ANK2: variants seen among roughly 807,000 people sequenced by gnomAD.
The protein encoded by ANK2 is ankyrin 2.
A neutral mutation model predicts 360.5 loss-of-function variants in ANK2; 83 were observed. The ratio of observed to expected loss-of-function variants is 0.23; its 90% confidence interval spans 0.19 to 0.28. The LOEUF (loss-of-function observed/expected upper bound fraction) is 0.28. ANK2 is among the 10% of genes least tolerant of loss of function. ANK2 has a pLI of 1.00. For missense variants in ANK2, 4,201 were observed against 4,795.7 expected (o/e 0.88, Z 3.66); for synonymous variants, 1,740 against 1,759.5 (o/e 0.99, Z 0.28).
intron 2 of ANK2, among the ~76,000 whole-genome samples, chr4:112,977,122 TA>T (rs1411971641): frequency 6.6e-6 from 1 of 152,232 alleles, no homozygotes; most frequent in Non-Finnish European, 1.5e-5. Flanking sequence ...TACTGATTTT[TA>T]TGAAAAGAGA....
intron 1 of ANK2, among the ~76,000 whole-genome samples, chr4:113,102,751 G>C (rs746686264): frequency 6.6e-6 from 1 of 152,166 alleles, no homozygotes; most frequent in Non-Finnish European, 1.5e-5. Flanking sequence ...GAGGTCACTA[G>C]TAATTTAGTA....
At position 113,357,517 on chromosome 4, in the gene ANK2, C is replaced by G; in HGVS notation, c.8899C>G (p.Pro2967Ala). 6.2e-7 allele frequency: 1 copy of G among 1,614,098 alleles called. No homozygotes were observed. Among genetic ancestry groups the G allele is most frequent in the Non-Finnish European group, 8.5e-7 (1 of 1,179,974 alleles). Residue 2967 changes from proline (P) to alanine (A), a missense_variant, in exon 38 of 46, where the codon CCT becomes GCT. Around this residue, in one of 4 missense-constraint regions of ANK2, gnomAD observed 2,642 missense variants for 2,714.5 expected, o/e 0.97. Coordinates refer to ENST00000357077, the MANE Select transcript of ANK2 (RefSeq NM_001148.6). ...AGTGTATTCTGTTACCATCACATCC[C>G]CTGTTGAAGACGTTGTAGTGGCAAG... Reference protein sequence around the residue: ...SEVYSVTITSPVEDVVVASSS... With the variant: ...SEVYSVTITSAVEDVVVASSS...
At chr4:113,008,713 T>G (rs1200843854) in intron 2 of ANK2, among the ~76,000 whole-genome samples, 1 of 152,152 alleles carries the variant, frequency 6.6e-6, no homozygotes, top group East Asian at 1.9e-4. Context: ...TTTTGTATCA[T>G]TAGTGGGATA....
At chr4:113,320,924 C>T (rs1030467689) in intron 26 of ANK2, among the ~76,000 whole-genome samples, 5 of 152,160 alleles carry the variant, frequency 3.3e-5, no homozygotes, top group African/African-American at 1.2e-4. Flanking sequence ...CTATAAAGTA[C>T]CTGACATTGT....
At chr4:113,134,569 A>G (rs1345144671) in intron 1 of ANK2, among the ~76,000 whole-genome samples, 1 of 152,056 alleles carries the variant, frequency 6.6e-6, no homozygotes. Flanking sequence ...GGACAAAAAA[A>G]CTACCTTCTA....
intron 2 of ANK2, among the ~76,000 whole-genome samples, chr4:112,920,917 A>G (rs1232864863): frequency 6.6e-6 from 1 of 152,186 alleles, no homozygotes; most frequent in Non-Finnish European, 1.5e-5. Flanking sequence ...ACCCTAAATT[A>G]AAGCTGTTGT....
chr4:113,121,734 C>T (rs934992200), intron 1 of ANK2, among the ~76,000 whole-genome samples: 1 of 151,998 alleles, frequency 6.6e-6, no homozygotes, highest in Non-Finnish European at 1.5e-5. Context: ...AAAAAAGCCT[C>T]CTTTTGAGTT....
At position 112,957,931 on chromosome 4, in the gene ANK2, T is replaced by C. The variant is rs867623626; in HGVS notation, c.21+53417T>C. ...CCTCCCAGACGGGGTCGCGGCCAGG[T>C]AGAGGCGCTCCTCACATCCCAGACG... On this transcript the variant is annotated intron_variant, in intron 2 of 30. Coordinates refer to the ANK2 transcript ENST00000503271. Among the ~76,000 whole-genome samples, 341 of 126,868 alleles carry C rather than the reference T, an allele frequency of 2.7e-3. 4 individuals carry two copies. Among genetic ancestry groups the C allele is most frequent in the African/African-American group, 9.8e-3 (320 of 32,508 alleles). The allele number at this position is 126,868 out of a possible 152,430, so 83.2% of individuals were successfully genotyped here. A position where few individuals can be genotyped will look rare whatever the true frequency, so the allele number is the denominator to read the frequency against.
chr4:112,929,457 G>A (rs1006930003), intron 2 of ANK2, among the ~76,000 whole-genome samples: 1 of 152,152 alleles, frequency 6.6e-6, no homozygotes, highest in Non-Finnish European at 1.5e-5. Flanking sequence ...GATCTTTATG[G>A]CAGGGAAGCT....
intron 2 of ANK2, among the ~76,000 whole-genome samples, chr4:112,925,028 C>T (rs768451701): frequency 3.4e-4 from 51 of 151,912 alleles, no homozygotes; most frequent in Non-Finnish European, 6.3e-4. Context: ...TTAGTAGAGA[C>T]GAGGTTTCAT....
intron 1 of ANK2, among the ~76,000 whole-genome samples, chr4:113,069,414 C>T (rs1183218033): frequency 1.3e-5 from 2 of 152,162 alleles, no homozygotes; most frequent in African/African-American, 4.8e-5. Flanking sequence ...CAATAGCAAC[C>T]CTTGTCATGA....
upstream of ANK2, among the ~76,000 whole-genome samples, chr4:112,817,235 A>G (rs540236308): frequency 4.0e-4 from 61 of 152,310 alleles, no homozygotes; most frequent in South Asian, 6.2e-4. Flanking sequence ...ATTCAGTATT[A>G]GACACAGAAC....
intron 2 of ANK2, among the ~76,000 whole-genome samples, chr4:112,973,413 T>C (rs1380520729): frequency 6.6e-6 from 1 of 152,236 alleles, no homozygotes; most frequent in Non-Finnish European, 1.5e-5. Flanking sequence ...TGTTCGTGTA[T>C]GTAGCAAATG....
At chr4:112,729,811 C>T in the ANK2 span, among the ~76,000 whole-genome samples, 42 of 150,888 alleles carry the variant, frequency 2.8e-4, no homozygotes, top group Non-Finnish European at 5.2e-4. Flanking sequence ...TGCACAACTA[C>T]TCAGCCTTTA....
At position 113,061,559 on chromosome 4, in the gene ANK2, A is replaced by T. The variant is rs919087283; in HGVS notation, c.84+11747A>T. Among the ~76,000 whole-genome samples, 31 of 152,094 alleles carry T rather than the reference A, an allele frequency of 2.0e-4. 1 individual carries two copies. Among genetic ancestry groups the T allele is most frequent in the South Asian group, 8.3e-4 (4 of 4,830 alleles). ...GCTTATATAACAACATCAATAATTT[A>T]AAAAAATTACATACACACGTACACA... On this transcript the variant is annotated intron_variant, in intron 1 of 45. Transcript: ENST00000357077.
At chr4:113,021,092 C>G (rs1288095269) in intron 2 of ANK2, among the ~76,000 whole-genome samples, 3 of 152,056 alleles carry the variant, frequency 2.0e-5, no homozygotes, top group Non-Finnish European at 4.4e-5. Flanking sequence ...TGGCTTCTTG[C>G]CTGGGACAGC....
chr4:113,023,003 T>C (rs1216171542), intron 2 of ANK2, among the ~76,000 whole-genome samples: 2 of 152,090 alleles, frequency 1.3e-5, no homozygotes, highest in Non-Finnish European at 2.9e-5. Context: ...GTGATCAGGA[T>C]AAATAGCTAA....
At chr4:112,766,075 C>A in the ANK2 span, among the ~76,000 whole-genome samples, 1 of 152,142 alleles carries the variant, frequency 6.6e-6, no homozygotes, top group South Asian at 2.1e-4. Context: ...TGGTTCATGC[C>A]TGTAATTCCA....
chr4:113,142,907 A>G (rs967436703), intron 1 of ANK2, among the ~76,000 whole-genome samples: 3 of 151,858 alleles, frequency 2.0e-5, no homozygotes, highest in Non-Finnish European at 4.4e-5. Context: ...CCTTTTTTTC[A>G]AAGGCCAAAA....
Sources: allele counts gnomAD v4.1 joint callset (sites outside exome capture counted in the v4.1 genomes callset), GRCh38; gene constraint gnomAD v4.1.1; regional missense constraint gnomAD v4.1.1; transcripts MANE v1.5; gene names NCBI Gene and HGNC (gene_info 2026-07-23, HGNC 2026-07-21).